Variants in YWHAG observed in about 807,000 individuals in gnomAD.
YWHAG encodes the protein 14-3-3 protein gamma.
Under a neutral mutation model 23.3 loss-of-function variants are expected in YWHAG, and 1 was observed. That is an observed-to-expected ratio of 0.04 (90% CI 0.02 to 0.20). YWHAG has a LOEUF of 0.20. Among genes scored for constraint, YWHAG ranks in the 10% least tolerant of loss-of-function variants. The probability of loss-of-function intolerance (pLI) is 1.00; values close to 1 mark genes in which losing one functional copy is unlikely to be tolerated. For missense variants in YWHAG, 151 were observed against 338.6 expected (o/e 0.45, Z 4.35); for synonymous variants, 160 against 144.0 (o/e 1.11, Z -0.80).
Position 76,357,005 on chromosome 7 carries a change from G to A in YWHAG, c.87+1717C>T, listed in dbSNP as rs191759202. 2.8e-3 allele frequency among the ~76,000 whole-genome samples: 422 copies of A among 152,316 alleles called. 4 individuals carry two copies. Among genetic ancestry groups the A allele is most frequent in the African/African-American group, 9.0e-3 (376 of 41,568 alleles). ...TCACTTGGTTGCTATGGATATAGGT[G>A]CGAGGTCACTCGCTTTCCTGTGGAA... On this transcript the variant is annotated intron_variant, in intron 1 of 1. Coordinates refer to ENST00000307630, the MANE Select transcript of YWHAG (RefSeq NM_012479.4).
At chr7:76,357,608 A>G (rs1359082495) in intron 1 of YWHAG, among the ~76,000 whole-genome samples, 1 of 152,190 alleles carries the variant, frequency 6.6e-6, no homozygotes, top group Non-Finnish European at 1.5e-5. Context: ...ACAACTGGCG[A>G]TCGGTATTCT....
chr7:76,337,935 T>C (rs894923692), intron 1 of YWHAG, among the ~76,000 whole-genome samples: 1 of 152,158 alleles, frequency 6.6e-6, no homozygotes, highest in Non-Finnish European at 1.5e-5. Flanking sequence ...CTGGAGGCAG[T>C]CTTGGGGACT....
Position 76,358,810 on chromosome 7 carries a change from T to G in YWHAG, c.-2A>C. On this transcript the variant is annotated 5_prime_UTR_variant, in exon 1 of 2. Transcript: ENST00000307630. ...CACCAGTTGCTCGCGGTCCACCATC[T>G]TCGCGGGGCTGGGTCTGGCCGGAGA... The G allele has an allele frequency of 6.3e-7, 1 of 1,591,728 alleles. No homozygotes were observed. Among genetic ancestry groups the G allele is most frequent in the Non-Finnish European group, 8.5e-7 (1 of 1,170,494 alleles).
chr7:76,334,720 T>C (rs1049245007), intron 1 of YWHAG, among the ~76,000 whole-genome samples: 1 of 150,372 alleles, frequency 6.7e-6, no homozygotes, highest in African/African-American at 2.5e-5. Context: ...CTAACCTTCT[T>C]CTTCTTTAAA....
intron 1 of YWHAG, among the ~76,000 whole-genome samples, chr7:76,349,444 G>C (rs13231243): frequency 0.31 from 44,239 of 142,590 alleles, 6,830 homozygotes; most frequent in East Asian, 0.42. Flanking sequence ...CACACACACA[G>C]ACACACACAC....
At chr7:76,345,674 G>A (rs1803768413) in intron 1 of YWHAG, among the ~76,000 whole-genome samples, 1 of 152,000 alleles carries the variant, frequency 6.6e-6, no homozygotes, top group Non-Finnish European at 1.5e-5. Flanking sequence ...CTGGCGCAGT[G>A]GCTCATGCCT....
intron 1 of YWHAG, among the ~76,000 whole-genome samples, chr7:76,353,965 T>A (rs537795823): frequency 1.3e-5 from 2 of 149,478 alleles, no homozygotes; most frequent in South Asian, 4.2e-4. Context: ...CCCAACTACT[T>A]GGGTGGCTGG....
At chr7:76,357,364 A>C (rs1803976574) in intron 1 of YWHAG, among the ~76,000 whole-genome samples, 1 of 152,248 alleles carries the variant, frequency 6.6e-6, no homozygotes, top group East Asian at 1.9e-4. Flanking sequence ...ACACTCCAGC[A>C]TCCACTTCAC....
chr7:76,341,808 G>A lies in YWHAG; in HGVS notation c.88-11575C>T, dbSNP rs554796586. On this transcript the variant is annotated intron_variant, in intron 1 of 1. Coordinates refer to ENST00000307630, the MANE Select transcript of YWHAG (RefSeq NM_012479.4). Reference sequence around the variant, plus strand: ...GGTTGATGGCATGTTCTAGAATGTGGTGATGGTTATGCAAGTCTGAACATA... The same window carrying A: ...GGTTGATGGCATGTTCTAGAATGTGATGATGGTTATGCAAGTCTGAACATA... Among the ~76,000 whole-genome samples the A allele has an allele frequency of 5.9e-5, 9 of 152,246 alleles. 1 individual carries two copies. In the East Asian group the frequency reaches 1.3e-3, roughly 23 times the overall value.
chr7:76,331,286 G>GGGATGGGGAGGGGAGAGGAGA (rs1554616743), intron 1 of YWHAG, among the ~76,000 whole-genome samples: 3 of 150,188 alleles, frequency 2.0e-5, no homozygotes, highest in African/African-American at 7.4e-5. Context: ...GCTGGGGATG[G>GGGATGGGGAGGGGAGAGGAGA]GGAGAGGAGA....
intron 1 of YWHAG, among the ~76,000 whole-genome samples, chr7:76,355,343 A>G (rs1803937872): frequency 6.6e-6 from 1 of 152,244 alleles, no homozygotes; most frequent in Non-Finnish European, 1.5e-5. Flanking sequence ...CAGTTAATCC[A>G]GGACTGCAAT....
rs902004261 is a variant in YWHAG, at chr7:76,328,906, T to A, written c.*671A>T. The A allele has an allele frequency of 1.3e-5, 2 of 152,400 alleles. No individual in the cohort carries two copies. The highest frequency in any genetic ancestry group is 1.3e-4 in the Admixed American group (2 of 15,266). The allele number at this position is 152,400 out of a possible 1,614,324, so 9.4% of individuals were successfully genotyped here. ...CAACCTGGATAAGGCTGAATAAGGA[T>A]GTTAAAGCCCAAACAACTAGCAAAG... On this transcript the variant is annotated 3_prime_UTR_variant, in exon 2 of 2. Transcript: ENST00000307630.
chr7:76,357,359 C>A (rs1803976487), intron 1 of YWHAG, among the ~76,000 whole-genome samples: 1 of 152,196 alleles, frequency 6.6e-6, no homozygotes, highest in Non-Finnish European at 1.5e-5. Context: ...AAGGTACACT[C>A]CAGCATCCAC....
chr7:76,348,704 T>C (rs1480902481), intron 1 of YWHAG, among the ~76,000 whole-genome samples: 1 of 151,060 alleles, frequency 6.6e-6, no homozygotes, highest in African/African-American at 2.4e-5. Context: ...GCGCCCGGCC[T>C]AATTTTTGTA....
At chr7:76,334,574 C>T (rs984451555) in intron 1 of YWHAG, among the ~76,000 whole-genome samples, 1 of 151,796 alleles carries the variant, frequency 6.6e-6, no homozygotes, top group African/African-American at 2.4e-5. Flanking sequence ...TACCACCACG[C>T]CCCCTAATTT....
intron 1 of YWHAG, among the ~76,000 whole-genome samples, chr7:76,338,255 T>C (rs995261231): frequency 2.0e-5 from 3 of 152,118 alleles, no homozygotes; most frequent in South Asian, 2.1e-4. Context: ...ACAACTTTAG[T>C]TGGGTTTTTC....
intron 1 of YWHAG, among the ~76,000 whole-genome samples, chr7:76,339,984 G>C (rs1203722858): frequency 6.6e-6 from 1 of 152,072 alleles, no homozygotes. Flanking sequence ...AGCTACTCGG[G>C]AGGCTGAGAC....
intron 1 of YWHAG, among the ~76,000 whole-genome samples, chr7:76,348,159 C>T (rs1183223487): frequency 6.6e-6 from 1 of 151,824 alleles, no homozygotes; most frequent in Non-Finnish European, 1.5e-5. Context: ...GGAACATATG[C>T]TAAAATTAAT....
chr7:76,342,596 C>T (rs979382898), intron 1 of YWHAG, among the ~76,000 whole-genome samples: 7 of 152,186 alleles, frequency 4.6e-5, no homozygotes, highest in African/African-American at 4.8e-5. Flanking sequence ...TTCTCATATC[C>T]TAGAGTCTTC....
Sources: gnomAD v4.1 joint callset for allele counts (sites outside exome capture counted in the v4.1 genomes callset) on GRCh38, gnomAD v4.1.1 for gene constraint, MANE v1.5 for transcripts, NCBI Gene and HGNC (gene_info 2026-07-23, HGNC 2026-07-21) for gene names.